The following TRAK1 variants were observed in gnomAD, a reference collection of about 807,000 sequenced individuals.
TRAK1 encodes trafficking kinesin protein 1.
In TRAK1, 33 loss-of-function variants were observed where a neutral mutation model predicts 92.1. The ratio of observed to expected loss-of-function variants is 0.36; its 90% CI spans 0.27 to 0.48. The LOEUF (loss-of-function observed/expected upper bound fraction) is 0.48, where lower values mean the gene tolerates loss of function less well. Among genes scored for constraint, TRAK1 ranks in the 20% least tolerant of loss-of-function variants. The pLI, the probability that TRAK1 is intolerant of heterozygous loss-of-function variation, is 0.99. For synonymous variants in TRAK1, 521 were observed against 517.3 expected, an observed-to-expected ratio of 1.01 and a Z score of -0.10; for missense variants, 1,123 against 1,257.9, an observed-to-expected ratio of 0.89 and a Z score of 1.62.
At chr3:42,096,393 TAG>T (rs900589177) in intron 1 of TRAK1, among the ~76,000 whole-genome samples, 2 of 152,066 alleles carry the variant, frequency 1.3e-5, no homozygotes, top group Non-Finnish European at 2.9e-5. Flanking sequence ...GCTGGGACTA[TAG>T]ATGTGTGCCA....
At chr3:42,160,265 G>A in intron 2 of TRAK1, 1 of 1,549,088 alleles carries the variant, frequency 6.5e-7, no homozygotes, top group South Asian at 1.2e-5. Context: ...TGTGCCCTGG[G>A]GGCCCAGGCC....
chr3:42,220,539 G>A, intron 15 of TRAK1: 1 of 985,458 alleles, frequency 1.0e-6, no homozygotes, highest in African/African-American at 1.7e-5. Context: ...ATGCCCCGTT[G>A]AGCTGAGAGG....
At chr3:42,033,152 G>A (rs1006422743) in intron 1 of TRAK1, among the ~76,000 whole-genome samples, 2 of 152,202 alleles carry the variant, frequency 1.3e-5, no homozygotes, top group Non-Finnish European at 2.9e-5. Context: ...AGTACAGTAA[G>A]CCATTCAAGA....
intron 1 of TRAK1, among the ~76,000 whole-genome samples, chr3:42,039,526 G>T (rs545882657): frequency 1.6e-3 from 250 of 152,274 alleles, no homozygotes; most frequent in Non-Finnish European, 3.0e-3. Flanking sequence ...AACATGCCCA[G>T]CTAATTTTTG....
chr3:42,082,474 T>G (rs1415295397), upstream of TRAK1, among the ~76,000 whole-genome samples: 1 of 152,070 alleles, frequency 6.6e-6, no homozygotes, highest in Non-Finnish European at 1.5e-5. Flanking sequence ...GGTGCGTGCC[T>G]GTAGTCTCAG....
At chr3:42,044,027 G>GCC (rs1702662647) in intron 1 of TRAK1, among the ~76,000 whole-genome samples, 1 of 152,220 alleles carries the variant, frequency 6.6e-6, no homozygotes, top group Non-Finnish European at 1.5e-5. Flanking sequence ...CTGGGCAGAA[G>GCC]CCCAGCTTTC....
chr3:42,144,155 A>G (rs1395599553), intron 2 of TRAK1, among the ~76,000 whole-genome samples: 2 of 152,056 alleles, frequency 1.3e-5, no homozygotes, highest in Non-Finnish European at 2.9e-5. Flanking sequence ...AGTGCCTTTG[A>G]ATCAGTTATG....
intron 1 of TRAK1, chr3:42,014,240 C>T (rs75780455): frequency 0.015 from 2,330 of 152,474 alleles, 21 homozygotes; most frequent in Non-Finnish European, 0.025. Context: ...GGCGCCGGGA[C>T]CCTGCGGGGA....
chr3:42,145,016 A>G (rs955245089), intron 2 of TRAK1, among the ~76,000 whole-genome samples: 10 of 152,194 alleles, frequency 6.6e-5, no homozygotes, highest in Non-Finnish European at 1.3e-4. Flanking sequence ...TTTTAATTAT[A>G]CAAGTAATAC....
intron 2 of TRAK1, among the ~76,000 whole-genome samples, chr3:42,159,481 A>G (rs1276076770): frequency 6.6e-6 from 1 of 152,232 alleles, no homozygotes; most frequent in Non-Finnish European, 1.5e-5. Flanking sequence ...AGGAATTGAT[A>G]TCAAGGTGTG....
intron 1 of TRAK1, among the ~76,000 whole-genome samples, chr3:42,110,094 G>GTATA (rs375315730): frequency 0.037 from 3,056 of 82,976 alleles, 136 homozygotes; most frequent in Admixed American, 0.039. Context: ...AGAACTTAAA[G>GTATA]TATATATATA....
intron 2 of TRAK1, among the ~76,000 whole-genome samples, chr3:42,158,149 GTC>G (rs1700779917): frequency 6.6e-6 from 1 of 152,044 alleles, no homozygotes; most frequent in South Asian, 2.1e-4. Context: ...GAATATCTAA[GTC>G]TCTGTATGTT....
At chr3:42,112,620 A>T (rs973758873) in intron 1 of TRAK1, among the ~76,000 whole-genome samples, 3 of 150,570 alleles carry the variant, frequency 2.0e-5, no homozygotes, top group Admixed American at 6.6e-5. Context: ...CTGTAATCCC[A>T]GCTACTTGGG....
At chr3:42,115,386 C>A (rs1709040986) in intron 1 of TRAK1, among the ~76,000 whole-genome samples, 1 of 152,118 alleles carries the variant, frequency 6.6e-6, no homozygotes. Flanking sequence ...GTGGAATGCG[C>A]CACATTCAGT....
At chr3:42,169,849 C>G (rs1232182749) in intron 2 of TRAK1, among the ~76,000 whole-genome samples, 10 of 152,170 alleles carry the variant, frequency 6.6e-5, no homozygotes, top group Non-Finnish European at 1.5e-4. Context: ...ACTGTAAAAA[C>G]TACAGATTTT....
chr3:42,030,308 G>A (rs1025494917), intron 1 of TRAK1, among the ~76,000 whole-genome samples: 7 of 149,966 alleles, frequency 4.7e-5, no homozygotes, highest in Middle Eastern at 3.5e-3. Context: ...GCAGCAGTAA[G>A]CTGTGATCTC....
chr3:42,197,306 C>A (rs1706869303), intron 10 of TRAK1, among the ~76,000 whole-genome samples: 1 of 152,158 alleles, frequency 6.6e-6, no homozygotes, highest in African/African-American at 2.4e-5. Flanking sequence ...TATAAAAGGG[C>A]ATAGTGTTTG....
chr3:42,091,646 C>T, intron 1 of TRAK1, 86 bp downstream of exon 1: 1 of 1,342,654 alleles, frequency 7.4e-7, no homozygotes, highest in African/African-American at 1.5e-5. Context: ...GAAGCTGTCT[C>T]TCTCTTGCTC....
chr3:42,184,503 C>T (rs1704499321), intron 3 of TRAK1, among the ~76,000 whole-genome samples, 182 bp from the exon 4 acceptor site: 2 of 152,098 alleles, frequency 1.3e-5, no homozygotes, highest in Non-Finnish European at 2.9e-5. Context: ...AGCTCTCACA[C>T]ACTATGTGGG....
Sources: gnomAD v4.1 joint callset for allele counts (sites outside exome capture counted in the v4.1 genomes callset) on GRCh38, gnomAD v4.1.1 for gene constraint, MANE v1.5 for transcripts, NCBI Gene and HGNC (gene_info 2026-07-23, HGNC 2026-07-21) for gene names.